The following PTPRN2 variants were observed in gnomAD, a reference collection of about 807,000 sequenced individuals.
PTPRN2 encodes protein tyrosine phosphatase receptor type N2.
In PTPRN2, 74 loss-of-function variants were observed where a neutral mutation model predicts 118.8. That is an observed-to-expected ratio of 0.62 (90% confidence interval 0.52 to 0.76). The LOEUF (loss-of-function observed/expected upper bound fraction) is 0.76, where lower values mean the gene tolerates loss of function less well. PTPRN2 is among the 30% of genes least tolerant of loss of function. The probability of loss-of-function intolerance (pLI) is 0.00; values close to 1 mark genes in which losing one functional copy is unlikely to be tolerated. For synonymous variants in PTPRN2, 641 were observed against 608.0 expected (o/e 1.05, Z -0.80); for missense variants, 1,481 against 1,394.4 (o/e 1.06, Z -0.99).
At chr7:157,670,523 G>A (rs1796357145) in intron 13 of PTPRN2, among the ~76,000 whole-genome samples, 1 of 152,154 alleles carries the variant, frequency 6.6e-6, no homozygotes, top group Non-Finnish European at 1.5e-5. Context: ...CTTCCATAAA[G>A]GTGGCATCTT....
intron 2 of PTPRN2, among the ~76,000 whole-genome samples, chr7:158,383,077 C>T (rs898464954): frequency 1.5e-4 from 23 of 152,128 alleles, no homozygotes; most frequent in Non-Finnish European, 1.6e-4. Flanking sequence ...CATTAATGTT[C>T]ATCATGACAT....
At chr7:158,379,790 A>G (rs977715629) in intron 2 of PTPRN2, among the ~76,000 whole-genome samples, 1 of 152,212 alleles carries the variant, frequency 6.6e-6, no homozygotes, top group African/African-American at 2.4e-5. Flanking sequence ...TGCTGCTAAT[A>G]AAGACATACC....
intron 12 of PTPRN2, among the ~76,000 whole-genome samples, chr7:157,796,733 G>A (rs1319627139): frequency 2.0e-5 from 3 of 152,310 alleles, no homozygotes; most frequent in South Asian, 2.1e-4. Flanking sequence ...GGTGGAAGGC[G>A]AAAGGGAAGC....
At chr7:157,970,439 T>C (rs1802240176) in intron 11 of PTPRN2, among the ~76,000 whole-genome samples, 1 of 152,054 alleles carries the variant, frequency 6.6e-6, no homozygotes, top group South Asian at 2.1e-4. Flanking sequence ...AAGGGGAAAG[T>C]CTCTATTCCA....
intron 1 of PTPRN2, among the ~76,000 whole-genome samples, chr7:158,554,578 C>T (rs918688395): frequency 6.6e-6 from 1 of 152,174 alleles, no homozygotes; most frequent in Admixed American, 6.5e-5. Flanking sequence ...TTCTTGATTG[C>T]TCTCAGCTTG....
chr7:158,256,097 G>A (rs546701985), intron 3 of PTPRN2, among the ~76,000 whole-genome samples: 5 of 152,194 alleles, frequency 3.3e-5, no homozygotes, highest in Non-Finnish European at 5.9e-5. Context: ...GGGATGTCCC[G>A]TGTCTACTGC....
Position 157,611,059 on chromosome 7 carries a change from G to A in PTPRN2, c.2345-6984C>T, listed in dbSNP as rs1802301103. 6.6e-6 allele frequency among the ~76,000 whole-genome samples: 1 copy of A among 152,210 alleles called. No individual in the cohort carries two copies. Among genetic ancestry groups the A allele is most frequent in the African/African-American group, 2.4e-5 (1 of 41,448 alleles). Reference sequence around the variant, plus strand: ...CCACCCACCACTCAGGAGGCACGCTGCCCACCGCTGAGCTGAATAACCGAG... The same window carrying A: ...CCACCCACCACTCAGGAGGCACGCTACCCACCGCTGAGCTGAATAACCGAG... On this transcript the variant is annotated intron_variant, in intron 15 of 22. Coordinates refer to ENST00000389418, the MANE Select transcript of PTPRN2 (RefSeq NM_002847.5). This position sits in a 1 kb window ranked among gnomAD's most constrained non-coding sequence, Gnocchi z 5.9.
At chr7:158,350,151 C>G (rs535449406) in intron 2 of PTPRN2, among the ~76,000 whole-genome samples, 1 of 152,304 alleles carries the variant, frequency 6.6e-6, no homozygotes, top group East Asian at 1.9e-4. Context: ...GGCATGTTCA[C>G]CTGATTGTTA....
intron 12 of PTPRN2, among the ~76,000 whole-genome samples, chr7:157,758,089 C>T (rs905336118): frequency 6.6e-6 from 1 of 152,176 alleles, no homozygotes; most frequent in Non-Finnish European, 1.5e-5. Flanking sequence ...GCAGGGGACG[C>T]GCGGGATTGA....
intron 19 of PTPRN2, among the ~76,000 whole-genome samples, chr7:157,572,874 C>T (rs186813502): frequency 3.3e-5 from 5 of 152,326 alleles, no homozygotes; most frequent in Admixed American, 6.5e-5. Flanking sequence ...CCTCCAGGGC[C>T]GTGTCACCGT....
intron 14 of PTPRN2, among the ~76,000 whole-genome samples, chr7:157,652,574 C>T (rs1034827974): frequency 6.6e-6 from 1 of 152,332 alleles, no homozygotes; most frequent in Non-Finnish European, 1.5e-5. Flanking sequence ...TGCCCCTTCC[C>T]ATCAGGCTTT....
At chr7:157,595,350 AGGAGATTAGGAAGCCT>A (rs755612500) in intron 16 of PTPRN2, 35 bp from the exon 17 acceptor site, 200,458 of 1,594,522 alleles carry the variant, frequency 0.13, 15,433 homozygotes, top group African/African-American at 0.27. Context: ...GCGGTTAGCC[AGGAGATTAGGAAGCCT>A]GGAGGTTAGG....
At chr7:157,725,506 C>T (rs75888419) in intron 12 of PTPRN2, among the ~76,000 whole-genome samples, 63 of 71,794 alleles carry the variant, frequency 8.8e-4, no homozygotes, top group African/African-American at 4.7e-3. Flanking sequence ...GATATCCACA[C>T]GCAGAGGACG....
chr7:158,316,774 C>A (rs199616681), intron 3 of PTPRN2, 45 bp downstream of exon 3: 14 of 1,431,656 alleles, frequency 9.8e-6, no homozygotes, highest in Non-Finnish European at 1.3e-5. Flanking sequence ...CCCGTGCGGT[C>A]GCTCAGTGCG....
intron 2 of PTPRN2, among the ~76,000 whole-genome samples, chr7:158,326,682 AG>A (rs1440056005): frequency 2.1e-4 from 32 of 150,420 alleles, no homozygotes; most frequent in African/African-American, 7.3e-4. Flanking sequence ...ACACATGCAC[AG>A]TCTCACACAT....
chr7:157,992,988 C>A (rs977705222), intron 11 of PTPRN2, among the ~76,000 whole-genome samples: 1 of 152,208 alleles, frequency 6.6e-6, no homozygotes, highest in Non-Finnish European at 1.5e-5. Context: ...GAGCCTGGAG[C>A]CCCCGTCTTA....
chr7:157,816,467 G>A (rs111478788), intron 12 of PTPRN2, among the ~76,000 whole-genome samples: 3,663 of 152,336 alleles, frequency 0.024, 170 homozygotes, highest in African/African-American at 0.083. Flanking sequence ...GTGGCCACAC[G>A]GAGCAGAGCC....
At chr7:158,006,366 T>C (rs1197830927) in intron 11 of PTPRN2, among the ~76,000 whole-genome samples, 1 of 152,244 alleles carries the variant, frequency 6.6e-6, no homozygotes, top group Non-Finnish European at 1.5e-5. Context: ...TACAGTTCAG[T>C]GCCAGCCTGG....
chr7:157,849,165 C>T (rs985875921), intron 12 of PTPRN2, among the ~76,000 whole-genome samples: 2 of 152,222 alleles, frequency 1.3e-5, no homozygotes, highest in Admixed American at 6.5e-5. Flanking sequence ...GCTGATTCTT[C>T]GGGTTTCCCT....
Sources: allele counts gnomAD v4.1 joint callset (sites outside exome capture counted in the v4.1 genomes callset), GRCh38; gene constraint gnomAD v4.1.1; non-coding constraint Gnocchi (gnomAD v3.1); transcripts MANE v1.5; gene names NCBI Gene and HGNC (gene_info 2026-07-23, HGNC 2026-07-21).